R3HCC1L: variants seen among roughly 807,000 people sequenced by gnomAD.
The protein encoded by R3HCC1L is R3H domain and coiled-coil containing 1 like.
In R3HCC1L, 51 loss-of-function variants were observed where a neutral mutation model predicts 59.9. That is an observed-to-expected ratio of 0.85 (90% CI 0.68 to 1.07). R3HCC1L has a LOEUF of 1.07. Among genes scored for constraint, R3HCC1L ranks in the 50% least tolerant of loss-of-function variants. The probability of loss-of-function intolerance (pLI) is 0.00; values close to 1 mark genes in which losing one functional copy is unlikely to be tolerated. For missense variants in R3HCC1L, 965 were observed against 933.0 expected (o/e 1.03, Z -0.45); for synonymous variants, 322 against 315.2 (o/e 1.02, Z -0.23).
In R3HCC1L at chr10:98,244,221, G is replaced by A. The variant is rs1857868360; in HGVS notation, c.*63G>A. On this transcript the variant is annotated 3_prime_UTR_variant, in exon 10 of 10. Transcript: ENST00000298999. ...AAATGTTTCCATAGCCTTCAGATAA[G>A]ATGATCCTTCCAGAGCTCTATGTAC... The A allele has an allele frequency of 2.0e-6, 3 of 1,491,824 alleles. No homozygotes were observed. The Admixed American group carries it at 5.0e-5, about 25-fold the overall frequency. The allele number at this position is 1,491,824 out of a possible 1,614,324, so 92.4% of individuals were successfully genotyped here. A position where few individuals can be genotyped will look rare whatever the true frequency, so the allele number is the denominator to read the frequency against.
chr10:98,172,047 C>G (rs186173018), intron 4 of R3HCC1L, among the ~76,000 whole-genome samples: 20 of 152,264 alleles, frequency 1.3e-4, no homozygotes, highest in African/African-American at 4.6e-4. Flanking sequence ...TTAATCTGTC[C>G]TAGTTTTAAT....
chr10:98,153,609 TAAA>T (rs1160637755), intron 1 of R3HCC1L, among the ~76,000 whole-genome samples: 3 of 81,014 alleles, frequency 3.7e-5, no homozygotes, highest in Admixed American at 1.4e-4. Context: ...AATGATCAAT[TAAA>T]AAAAAAAAAA....
rs771435285 is a variant in R3HCC1L, at chr10:98,208,539, C to T, written c.425C>T (p.Pro142Leu). 2 of 1,614,048 alleles carry T rather than the reference C, an allele frequency of 1.2e-6. No individual in the cohort carries two copies. The highest frequency in any genetic ancestry group is 2.2e-5 in the South Asian group (2 of 91,066). Residue 142 changes from proline (P) to leucine (L), a missense_variant, in exon 5 of 10, where the codon CCA (proline) becomes CTA (leucine). By Grantham distance (98) the Pro-to-Leu change is moderately conservative (BLOSUM62 -3). Coordinates refer to ENST00000298999, the MANE Select transcript of R3HCC1L (RefSeq NM_001351015.2). Reference protein sequence around the residue: ...TNAPLQRHFKPKKVECLEVET... With the variant: ...TNAPLQRHFKLKKVECLEVET... ...GCACCTTTGCAGAGACATTTTAAAC[C>T]AAAGAAGGTGGAGTGTTTGGAAGTT...
chr10:98,138,492 A>G (rs567451147), intron 1 of R3HCC1L, among the ~76,000 whole-genome samples: 1 of 152,248 alleles, frequency 6.6e-6, no homozygotes, highest in African/African-American at 2.4e-5. Context: ...AGAGTTCAAG[A>G]CCAGCCTGGG....
chr10:98,218,249 G>A (rs577380244), intron 5 of R3HCC1L, among the ~76,000 whole-genome samples: 4 of 151,854 alleles, frequency 2.6e-5, no homozygotes, highest in African/African-American at 7.3e-5. Flanking sequence ...TGCTTTTTCT[G>A]TATCTGTTGA....
At chr10:98,145,775 C>T (rs544601144) in intron 1 of R3HCC1L, among the ~76,000 whole-genome samples, 1 of 152,108 alleles carries the variant, frequency 6.6e-6, no homozygotes, top group East Asian at 1.9e-4. Context: ...ATGATGGAAC[C>T]CTGTCTGTAC....
intron 5 of R3HCC1L, among the ~76,000 whole-genome samples, chr10:98,227,379 C>T (rs1855782109): frequency 1.3e-5 from 2 of 152,084 alleles, no homozygotes; most frequent in African/African-American, 4.8e-5. Context: ...ATCCATTTTT[C>T]AACTTTTCCA....
At chr10:98,230,281 G>C (rs371711743) in intron 5 of R3HCC1L, among the ~76,000 whole-genome samples, 1 of 152,144 alleles carries the variant, frequency 6.6e-6, no homozygotes, top group South Asian at 2.1e-4. Context: ...TCTATTCAGA[G>C]ATTCAACTTC....
At chr10:98,158,816 T>G (rs1847129996) in intron 2 of R3HCC1L, among the ~76,000 whole-genome samples, 1 of 152,006 alleles carries the variant, frequency 6.6e-6, no homozygotes, top group Admixed American at 6.6e-5. Flanking sequence ...TTGACTTTTT[T>G]TTTTTTTTGG....
At chr10:98,227,098 A>G (rs1313683855) in intron 5 of R3HCC1L, among the ~76,000 whole-genome samples, 1 of 152,244 alleles carries the variant, frequency 6.6e-6, no homozygotes, top group Admixed American at 6.5e-5. Context: ...GGTGTTTGGC[A>G]TGTAACAGAC....
chr10:98,213,358 T>C (rs1158593471), intron 5 of R3HCC1L, among the ~76,000 whole-genome samples: 1 of 152,218 alleles, frequency 6.6e-6, no homozygotes, highest in East Asian at 1.9e-4. Context: ...AAGTTGTTCA[T>C]GTTTTATTTG....
intron 9 of R3HCC1L, 50 bp downstream of exon 9, chr10:98,236,214 A>T: frequency 6.3e-7 from 1 of 1,590,568 alleles, no homozygotes; most frequent in Non-Finnish European, 8.5e-7. Flanking sequence ...AACTCACTGT[A>T]AGGCATGTGT....
intron 4 of R3HCC1L, among the ~76,000 whole-genome samples, chr10:98,167,471 T>A (rs1029251117): frequency 2.0e-5 from 3 of 152,242 alleles, no homozygotes. Flanking sequence ...TCTACCTCAT[T>A]TATAAGTATT....
intron 4 of R3HCC1L, chr10:98,186,605 A>G (rs1850247531): frequency 4.2e-6 from 3 of 713,306 alleles, no homozygotes; most frequent in Non-Finnish European, 5.2e-6. Flanking sequence ...AGTTTTATAC[A>G]CAACATTGCT....
At position 98,198,657 on chromosome 10, in the gene R3HCC1L, G is replaced by A. The variant is rs551489108; in HGVS notation, c.-14-9444G>A. Among the ~76,000 whole-genome samples the A allele has an allele frequency of 4.5e-4, 69 of 152,074 alleles. 1 individual carries two copies. The highest frequency in any genetic ancestry group is 2.3e-3 in the South Asian group (11 of 4,814). ...TTTTCTGATTTATGGAACATGAATA[G>A]ACTTTACTTCTTTGGATCCTTTAAA... is the stretch of plus-strand genomic sequence containing the variant. On this transcript the variant is annotated intron_variant, in intron 4 of 9. Coordinates refer to ENST00000298999, the MANE Select transcript of R3HCC1L (RefSeq NM_001351015.2).
In R3HCC1L at chr10:98,209,091, G is replaced by A; in HGVS notation, c.977G>A (p.Ser326Asn). 6.2e-7 allele frequency: 1 copy of A among 1,614,034 alleles called. No homozygotes were observed. The highest frequency in any genetic ancestry group is 1.3e-5 in the African/African-American group (1 of 75,030). The change falls in exon 5 of 10, where the codon AGT (serine) becomes AAT (asparagine). Residue 326 changes from serine (S) to asparagine (N), a missense_variant. Physicochemically the swap from Ser to Asn is conservative, Grantham distance 46. Coordinates refer to ENST00000298999, the MANE Select transcript of R3HCC1L (RefSeq NM_001351015.2). ...TCAGAGAGCACAAATGACACTGTTA[G>A]TCCAGTAATGATTAGAGAATGTGAG... ...SLSESTNDTV[S>N]PVMIRECEKN...
chr10:98,181,102 C>T lies in R3HCC1L; in HGVS notation c.-15+17705C>T, dbSNP rs191852329. 1.5e-3 allele frequency among the ~76,000 whole-genome samples: 224 copies of T among 152,260 alleles called. 2 individuals are homozygous for T. Among genetic ancestry groups the T allele is most frequent in the African/African-American group, 4.9e-3 (203 of 41,550 alleles). On this transcript the variant is annotated intron_variant, in intron 4 of 9. Coordinates refer to ENST00000298999, the MANE Select transcript of R3HCC1L (RefSeq NM_001351015.2). ...TTTGATCCTGTCGTTATGATGTTAG[C>T]TGGTTATTTTGCCTGTTAGTTGATG...
intron 4 of R3HCC1L, 70 bp downstream of exon 4, chr10:98,163,467 T>C: frequency 9.8e-7 from 1 of 1,024,118 alleles, no homozygotes; most frequent in South Asian, 2.6e-5. Context: ...TGTTTGCTTG[T>C]ATTTTGTTTC....
chr10:98,156,923 G>A (rs1263120001), intron 2 of R3HCC1L, among the ~76,000 whole-genome samples: 1 of 152,144 alleles, frequency 6.6e-6, no homozygotes, highest in Non-Finnish European at 1.5e-5. Context: ...CAATCTTCTA[G>A]TAACTTTCTA....
Sources: allele counts gnomAD v4.1 joint callset (sites outside exome capture counted in the v4.1 genomes callset), GRCh38; gene constraint gnomAD v4.1.1; transcripts MANE v1.5; gene names NCBI Gene and HGNC (gene_info 2026-07-23, HGNC 2026-07-21).